The following ACOX3 variants were observed in gnomAD, a reference collection of about 807,000 sequenced individuals.
ACOX3 encodes peroxisomal acyl-coenzyme A oxidase 3.
ACOX3 carries 73 observed loss-of-function variants against 81.5 expected under a neutral mutation model. The ratio of observed to expected loss-of-function variants is 0.90; its 90% CI spans 0.74 to 1.09. The LOEUF (loss-of-function observed/expected upper bound fraction) is 1.09. Ranked by LOEUF, ACOX3 falls within the 50% of genes least tolerant of loss-of-function variation. The probability of loss-of-function intolerance (pLI) is 0.00; values close to 1 mark genes in which losing one functional copy is unlikely to be tolerated. For missense variants in ACOX3, 947 were observed against 928.0 expected (o/e 1.02, Z -0.27); for synonymous variants, 387 against 375.1 (o/e 1.03, Z -0.37).
At chr4:8,388,251 T>C (rs1027144452) in intron 13 of ACOX3, among the ~76,000 whole-genome samples, 1 of 152,240 alleles carries the variant, frequency 6.6e-6, no homozygotes, top group Non-Finnish European at 1.5e-5. Flanking sequence ...ATCACTGCTT[T>C]GCAGAATTCC....
intron 7 of ACOX3, among the ~76,000 whole-genome samples, chr4:8,403,147 T>C (rs1220199797): frequency 6.6e-6 from 1 of 152,268 alleles, no homozygotes; most frequent in Non-Finnish European, 1.5e-5. Context: ...CTTGGATTTG[T>C]AGGCAGTCAT....
Position 8,394,485 on chromosome 4 carries a change from G to A in ACOX3, c.1179+135C>T, listed in dbSNP as rs1719444115. 7.3e-7 allele frequency: 1 copy of A among 1,371,344 alleles called. No homozygotes were observed. The highest frequency in any genetic ancestry group is 1.4e-5 in the African/African-American group (1 of 69,372). The allele number at this position is 1,371,344 out of a possible 1,614,324, so 84.9% of individuals were successfully genotyped here. A position where few individuals can be genotyped will look rare whatever the true frequency, so the allele number is the denominator to read the frequency against. Reference sequence around the variant, plus strand: ...GGCAGAGGCCAAGAGCTCCGAGTGGGTGGGAACAACTGGAGGAATGCTCTG... The same window carrying A: ...GGCAGAGGCCAAGAGCTCCGAGTGGATGGGAACAACTGGAGGAATGCTCTG... On this transcript the variant is annotated intron_variant, in intron 10 of 17. Coordinates refer to ENST00000356406, the MANE Select transcript of ACOX3 (RefSeq NM_003501.3). This position sits in a 1 kb window ranked among gnomAD's most constrained non-coding sequence, Gnocchi z 5.9.
downstream of ACOX3, among the ~76,000 whole-genome samples, chr4:8,363,888 C>A (rs1464197983): frequency 1.3e-5 from 2 of 152,164 alleles, no homozygotes; most frequent in African/African-American, 4.8e-5. Context: ...CCTACAAGGT[C>A]TAAAACAGGG....
At chr4:8,429,636 CTT>C (rs1267525709) in intron 1 of ACOX3, among the ~76,000 whole-genome samples, 1 of 152,114 alleles carries the variant, frequency 6.6e-6, no homozygotes, top group Non-Finnish European at 1.5e-5. Context: ...GTCTGGCTCT[CTT>C]AGCGAAGGGA....
At chr4:8,359,257 C>T in the ACOX3 span, among the ~76,000 whole-genome samples, 78,579 of 151,950 alleles carry the variant, frequency 0.52, 20,567 homozygotes, top group South Asian at 0.58. The surrounding 1 kb of genome is among the most constrained non-coding windows in gnomAD (Gnocchi z 6.0). Flanking sequence ...ACTGGTTGGC[C>T]GACTTTGAAT....
chr4:8,416,589 A>ACC lies in ACOX3; in HGVS notation c.-14-56_-14-55dup. ...GCTCTCCCATCTATGGGTTCAAACT[A>ACC]CCCCCACCAACAGGAGAGCCCGCAA... On this transcript the variant is annotated intron_variant, in intron 1 of 17. Transcript: ENST00000356406. The surrounding 1 kb of genome is among the most constrained non-coding windows in gnomAD (Gnocchi z 4.2). 6.7e-7 allele frequency: 1 copy of ACC among 1,486,738 alleles called. No homozygotes were observed. Among genetic ancestry groups the ACC allele is most frequent in the Non-Finnish European group, 8.9e-7 (1 of 1,119,636 alleles). 92.1% of individuals were successfully genotyped at this position (1,486,738 alleles called of 1,614,324 possible).
chr4:8,427,577 G>A (rs777840977), intron 1 of ACOX3, among the ~76,000 whole-genome samples: 2 of 152,202 alleles, frequency 1.3e-5, no homozygotes, highest in Admixed American at 6.5e-5. Flanking sequence ...TAATTGAGGT[G>A]AACACTAGTC....
rs1419595413 is a variant in ACOX3, at chr4:8,382,810, G to T, written c.1538-1203C>A. On this transcript the variant is annotated intron_variant, in intron 13 of 17. Transcript: ENST00000356406. This position sits in a 1 kb window ranked among gnomAD's most constrained non-coding sequence, Gnocchi z 4.1. The stretch of plus-strand genomic sequence containing the variant: ...GATCGAGACCATCCTGGCTAACACG[G>T]TGAAACCCCGTCTCTACTAAAAATA... 2.0e-5 allele frequency among the ~76,000 whole-genome samples: 3 copies of T among 151,990 alleles called. No homozygotes were observed. The highest frequency in any genetic ancestry group is 2.9e-5 in the Non-Finnish European group (2 of 67,970).
At chr4:8,393,467 C>T (rs531989125) in intron 10 of ACOX3, among the ~76,000 whole-genome samples, 2 of 134,744 alleles carry the variant, frequency 1.5e-5, no homozygotes, top group East Asian at 4.2e-4. Context: ...CCAGCCTGGG[C>T]AACAGAGCGA....
In ACOX3 at chr4:8,385,659, G is replaced by A. The variant is rs997519119; in HGVS notation, c.1537+3514C>T. Among the ~76,000 whole-genome samples the A allele has an allele frequency of 1.3e-5, 2 of 152,126 alleles. No homozygotes were observed. Among genetic ancestry groups the A allele is most frequent in the African/African-American group, 4.8e-5 (2 of 41,414 alleles). ...AGCCTCCCCTACCCAAGTCAGAATC[G>A]AACCCCTGAAGGACCCGCCATTGGC... On this transcript the variant is annotated intron_variant, in intron 13 of 17. Transcript: ENST00000356406. This position sits in a 1 kb window ranked among gnomAD's most constrained non-coding sequence, Gnocchi z 5.5.
At chr4:8,396,863 C>G (rs533613882) in intron 9 of ACOX3, 74 bp downstream of exon 9, 3 of 1,534,398 alleles carry the variant, frequency 2.0e-6, no homozygotes, top group African/African-American at 1.4e-5. Context: ...AGTAACCAAA[C>G]GGCAACTATG....
chr4:8,373,808 C>A, intron 15 of ACOX3, 180 bp from the exon 16 acceptor site: 1 of 622,084 alleles, frequency 1.6e-6, no homozygotes, highest in South Asian at 1.9e-5. Flanking sequence ...GCTCAGGGGC[C>A]GAGTTCTGAG....
chr4:8,355,607 T>C, the ACOX3 span: 1 of 152,222 alleles, frequency 6.6e-6, no homozygotes, highest in African/African-American at 2.4e-5. Flanking sequence ...AAATAATCTT[T>C]GTGTGAGAAA....
Position 8,430,885 on chromosome 4 carries a change from C to A in ACOX3, c.-15+9763G>T, listed in dbSNP as rs116964361. On this transcript the variant is annotated intron_variant, in intron 1 of 17. Transcript: ENST00000356406. The surrounding 1 kb of genome is among the most constrained non-coding windows in gnomAD (Gnocchi z 5.2). Reference sequence around the variant, plus strand: ...AAATAAAAATAAAAATATCTTCCCACTGGGAAATGATTTGGGTCCATTGCA... The same window carrying A: ...AAATAAAAATAAAAATATCTTCCCAATGGGAAATGATTTGGGTCCATTGCA... Among the ~76,000 whole-genome samples, 1 of 152,078 alleles carries A rather than the reference C, an allele frequency of 6.6e-6. No individual in the cohort carries two copies. Among genetic ancestry groups the A allele is most frequent in the Non-Finnish European group, 1.5e-5 (1 of 68,012 alleles).
intron 1 of ACOX3, chr4:8,436,251 G>A (rs1724230365): frequency 6.6e-6 from 1 of 152,104 alleles, no homozygotes; most frequent in South Asian, 2.1e-4. Flanking sequence ...GACCAGCCTT[G>A]GGCATCAGTA....
At chr4:8,403,357 G>T (rs1720571534) in intron 7 of ACOX3, among the ~76,000 whole-genome samples, 1 of 152,204 alleles carries the variant, frequency 6.6e-6, no homozygotes, top group Admixed American at 6.5e-5. Flanking sequence ...CCTGCTGGGT[G>T]CCCTGCCCAG....
At chr4:8,425,398 G>A (rs184615993) in intron 1 of ACOX3, among the ~76,000 whole-genome samples, 5 of 151,952 alleles carry the variant, frequency 3.3e-5, no homozygotes, top group Middle Eastern at 3.4e-3. Context: ...GCTAGCCACC[G>A]AAGAAGGAAA....
At position 8,382,020 on chromosome 4, in the gene ACOX3, G is replaced by A. The variant is rs966238296; in HGVS notation, c.1538-413C>T. Among the ~76,000 whole-genome samples the A allele has an allele frequency of 2.6e-5, 4 of 152,384 alleles. No homozygotes were observed. Among genetic ancestry groups the A allele is most frequent in the East Asian group, 1.9e-4 (1 of 5,186 alleles). On this transcript the variant is annotated intron_variant, in intron 13 of 17. Transcript: ENST00000356406. This position sits in a 1 kb window ranked among gnomAD's most constrained non-coding sequence, Gnocchi z 4.1. ...TGCATGGGCAGCAGGACAACTGGCC[G>A]GCGGTGGCGCCCAGTGGCGAGAGGA...
intron 8 of ACOX3, 71 bp from the exon 9 acceptor site, chr4:8,397,190 C>T (rs757459001): frequency 7.1e-6 from 10 of 1,402,024 alleles, no homozygotes; most frequent in African/African-American, 1.5e-5. Context: ...GGCTCAGAGG[C>T]GAAGGTGCCC....
Sources: gnomAD v4.1 joint callset for allele counts (sites outside exome capture counted in the v4.1 genomes callset) on GRCh38, gnomAD v4.1.1 for gene constraint, Gnocchi (gnomAD v3.1) non-coding constraint, MANE v1.5 for transcripts, NCBI Gene and HGNC (gene_info 2026-07-23, HGNC 2026-07-21) for gene names.